Variants in CARMIL2 observed in about 807,000 individuals in gnomAD.
CARMIL2 encodes capping protein regulator and myosin 1 linker 2.
Under a neutral mutation model 173.3 loss-of-function variants are expected in CARMIL2, and 96 were observed. The ratio of observed to expected loss-of-function variants is 0.55; its 90% CI spans 0.47 to 0.66. CARMIL2 has a LOEUF of 0.66. CARMIL2 is among the 30% of genes least tolerant of loss of function. The pLI is 0.00. For synonymous variants in CARMIL2, 830 were observed against 817.1 expected (o/e 1.02, Z -0.27); for missense variants, 1,771 against 1,906.7 (o/e 0.93, Z 1.33).
chr16:67,647,203 C>T lies in CARMIL2; in HGVS notation c.687+12C>T, dbSNP rs781565209. On this transcript the variant is annotated intron_variant, in intron 9 of 37. Transcript: ENST00000334583. ...TGGACATGAAGCTGGTGAGGGGGTT[C>T]GGGGTAAGGGCAGGGAGGGGCCAAG... is the stretch of plus-strand genomic sequence containing the variant. The T allele has an allele frequency of 2.1e-5, 34 of 1,613,160 alleles. No homozygotes were observed. In the East Asian group the frequency reaches 2.9e-4, roughly 14 times the overall value.
chr16:67,645,832 G>A (rs2052583663), intron 3 of CARMIL2, 55 bp downstream of exon 3: 1 of 1,594,564 alleles, frequency 6.3e-7, no homozygotes, highest in Non-Finnish European at 8.6e-7. Flanking sequence ...CTTGGCAGGG[G>A]GCTGCATCTG....
chr16:67,647,299 A>G lies in CARMIL2; in HGVS notation c.688A>G (p.Ser230Gly). Residue 230 changes from serine (S) to glycine (G), a missense_variant and splice_region_variant, in exon 10 of 38, where the codon AGC (serine) becomes GGC (glycine). Coordinates refer to ENST00000334583, the MANE Select transcript of CARMIL2 (RefSeq NM_001013838.3). ...TGAGCCGCCGCCCTCTGCTTCTCAG[A>G]GCCTTGAGGTCTCAGAACAGATTCT... ...RCLSCVDMKL[S>G]LEVSEQILHM... The G allele has an allele frequency of 1.2e-6, 2 of 1,605,258 alleles. No homozygotes were observed. Among genetic ancestry groups the G allele is most frequent in the Non-Finnish European group, 1.7e-6 (2 of 1,175,892 alleles).
In CARMIL2 at chr16:67,652,977, C is replaced by T; in HGVS notation, c.2885-42C>T. The T allele has an allele frequency of 8.9e-7, 1 of 1,122,506 alleles. No homozygotes were observed. Among genetic ancestry groups the T allele is most frequent in the Non-Finnish European group, 1.2e-6 (1 of 865,034 alleles). 69.5% of individuals were successfully genotyped at this position (1,122,506 alleles called of 1,614,324 possible). A position where few individuals can be genotyped will look rare whatever the true frequency, so the allele number is the denominator to read the frequency against. On this transcript the variant is annotated intron_variant, in intron 28 of 37. Transcript: ENST00000334583. The surrounding 1 kb of genome is among the most constrained non-coding windows in gnomAD (Gnocchi z 4.7). ...CCCTAGCGCCTCCGCCGCCACCTCCCCGGGCTCGGCGCTCGGTGCTCTTCT... is the reference window on the plus strand; with the variant it reads ...CCCTAGCGCCTCCGCCGCCACCTCCTCGGGCTCGGCGCTCGGTGCTCTTCT...
intron 35 of CARMIL2, 70 bp from the exon 36 acceptor site, chr16:67,656,731 T>C: frequency 1.9e-6 from 3 of 1,564,262 alleles, no homozygotes; most frequent in Non-Finnish European, 2.6e-6. Flanking sequence ...CTAAGGACCC[T>C]GAGGGTGGGA....
Position 67,648,416 on chromosome 16 carries a change from G to A in CARMIL2, c.1353G>A (p.Pro451=), listed in dbSNP as rs1230964421. The A allele has an allele frequency of 1.7e-5, 26 of 1,521,156 alleles. No individual in the cohort carries two copies. The highest frequency in any genetic ancestry group is 2.3e-5 in the Non-Finnish European group (26 of 1,140,908). 94.2% of individuals were successfully genotyped at this position (1,521,156 alleles called of 1,614,324 possible). Residue 451 remains proline, a synonymous_variant, in exon 15 of 38, where the codon CCG becomes CCA. Coordinates refer to ENST00000334583, the MANE Select transcript of CARMIL2 (RefSeq NM_001013838.3). This position sits in a 1 kb window ranked among gnomAD's most constrained non-coding sequence, Gnocchi z 6.1. ...CCCCCAGGAAGTCCCGCGCCGCGCC[G>A]GCCGCGCTGCAGCTCTTCCTCAGCC... is the stretch of plus-strand genomic sequence containing the variant. ...VFSRTKSRAA[P]AALQLFLSRA...
In CARMIL2 at chr16:67,652,065, C is replaced by T; in HGVS notation, c.2676+57C>T. 1.2e-6 allele frequency: 2 copies of T among 1,604,844 alleles called. No individual in the cohort carries two copies. The highest frequency in any genetic ancestry group is 1.7e-6 in the Non-Finnish European group (2 of 1,172,504). ...AAACACACACATGCAGTGACTTGGC[C>T]ATCTCCCTTGCAGGGGCTCTGTAAT... On this transcript the variant is annotated intron_variant, in intron 26 of 37. Transcript: ENST00000334583. This position sits in a 1 kb window ranked among gnomAD's most constrained non-coding sequence, Gnocchi z 4.7.
Position 67,650,065 on chromosome 16 carries a change from T to C in CARMIL2, c.2099T>C (p.Leu700Ser). ...TGCCCCTAGATCCAAGCCTGTCTCT[T>C]GAGGAACAACCGCGCAGACCCTGCC... is the stretch of plus-strand genomic sequence containing the variant. ...RAVHQIQACL[L>S]RNNRADPASS... The change falls in exon 22 of 38, where the codon TTG (leucine) becomes TCG (serine). Residue 700 changes from leucine (L) to serine (S), a missense_variant. Leu to Ser is a moderately radical substitution (Grantham distance 145, BLOSUM62 -2). This residue lies in a region of CARMIL2 where 944 missense variants were observed against 975.6 expected (regional missense o/e 0.97). Transcript: ENST00000334583. 6.2e-7 allele frequency: 1 copy of C among 1,613,824 alleles called. No homozygotes were observed. The highest frequency in any genetic ancestry group is 8.5e-7 in the Non-Finnish European group (1 of 1,179,854).
chr16:67,649,600 CG>C lies in CARMIL2; in HGVS notation c.1903del (p.Val635SerfsTer33). 1.3e-6 allele frequency: 2 copies of C among 1,544,516 alleles called. No homozygotes were observed. Among genetic ancestry groups the C allele is most frequent in the Non-Finnish European group, 1.7e-6 (2 of 1,145,662 alleles). Reference protein sequence around the residue: ...AGAKLLAKALRVNSRLRSVVW... With the variant: ...AGAKLLAKALXVNSRLRSVVW... ...CGCCAAGTTGCTGGCCAAGGCGCTG[CG>C]GGTCAACTCGAGGCTCCGGTGGGCG... On this transcript the variant is annotated frameshift_variant, in exon 20 of 38. Coordinates refer to ENST00000334583, the MANE Select transcript of CARMIL2 (RefSeq NM_001013838.3). LOFTEE classifies it high-confidence loss of function. This position sits in a 1 kb window ranked among gnomAD's most constrained non-coding sequence, Gnocchi z 6.7.
chr16:67,646,609 G>T lies in CARMIL2; in HGVS notation c.466+92G>T. Reference sequence around the variant, plus strand: ...CTGGGGGGGCCCCAAACTGAACAGAGCCATTCAGGTCCCAGCCACCACCTA... The same window carrying T: ...CTGGGGGGGCCCCAAACTGAACAGATCCATTCAGGTCCCAGCCACCACCTA... On this transcript the variant is annotated intron_variant, in intron 6 of 37. Transcript: ENST00000334583. The surrounding 1 kb of genome is among the most constrained non-coding windows in gnomAD (Gnocchi z 4.6). 1 of 1,569,280 alleles carries T rather than the reference G, an allele frequency of 6.4e-7. No homozygotes were observed. Among genetic ancestry groups the T allele is most frequent in the Non-Finnish European group, 8.8e-7 (1 of 1,141,082 alleles).
chr16:67,649,631 CAG>C lies in CARMIL2; in HGVS notation c.1919+15_1919+16del, dbSNP rs2052678613. On this transcript the variant is annotated intron_variant, in intron 20 of 37. Transcript: ENST00000334583. This position sits in a 1 kb window ranked among gnomAD's most constrained non-coding sequence, Gnocchi z 6.7. Reference sequence around the variant, plus strand: ...AACTCGAGGCTCCGGTGGGCGGGGTCAGAGGGGTGGGACCAGCGGGCAGGGGG... The same window carrying C: ...AACTCGAGGCTCCGGTGGGCGGGGTCAGGGGTGGGACCAGCGGGCAGGGGG... 2 of 1,579,906 alleles carry C rather than the reference CAG, an allele frequency of 1.3e-6. No individual in the cohort carries two copies. Among genetic ancestry groups the C allele is most frequent in the Non-Finnish European group, 1.7e-6 (2 of 1,167,224 alleles).
Position 67,653,119 on chromosome 16 carries a change from CG to C in CARMIL2, c.2986del (p.Ala996ProfsTer73). 8.9e-7 allele frequency: 1 copy of C among 1,128,014 alleles called. No homozygotes were observed. The highest frequency in any genetic ancestry group is 2.8e-5 in the South Asian group (1 of 35,732). The allele number at this position is 1,128,014 out of a possible 1,614,324, so 69.9% of individuals were successfully genotyped here. ...CCGCGCGCGGCTCTCCGAGCCCTGC[CG>C]CCCCTGGGCCCCCGGCCGGCCCGCT... ...PSARGSPSPA[A>X]PGPPAGPLPR... On this transcript the variant is annotated frameshift_variant, in exon 29 of 38. Transcript: ENST00000334583. LOFTEE classifies it high-confidence loss of function. This position sits in a 1 kb window ranked among gnomAD's most constrained non-coding sequence, Gnocchi z 7.4.
At chr16:67,655,828 A>C (rs2052836634) in intron 32 of CARMIL2, among the ~76,000 whole-genome samples, 1 of 152,138 alleles carries the variant, frequency 6.6e-6, no homozygotes, top group Admixed American at 6.5e-5. Flanking sequence ...AAAAAACAAA[A>C]ACAAACAAAA....
rs754277153 is a variant in CARMIL2 at position 67,646,309 on chromosome 16, G to A, written c.373G>A (p.Gly125Arg). Reference sequence around the variant, plus strand: ...GAAGGTCTTCCCTCGCTCGACCCTTGGGTGAGGCCTGGCAAATTCGAGGGG... The same window carrying A: ...GAAGGTCTTCCCTCGCTCGACCCTTAGGTGAGGCCTGGCAAATTCGAGGGG... ...IKKVFPRSTL[G>R]KLFRRPTPAS... Residue 125 changes from glycine (G) to arginine (R), a missense_variant and splice_region_variant, in exon 5 of 38, where the codon GGG becomes AGG. Physicochemically the swap from Gly to Arg is moderately radical, Grantham distance 125. This residue lies in a region of CARMIL2 where 944 missense variants were observed against 975.6 expected (regional missense o/e 0.97). Transcript: ENST00000334583. This position sits in a 1 kb window ranked among gnomAD's most constrained non-coding sequence, Gnocchi z 4.6. 3 of 1,613,002 alleles carry A rather than the reference G, an allele frequency of 1.9e-6. No homozygotes were observed. In the East Asian group the frequency reaches 6.7e-5, roughly 36 times the overall value.
chr16:67,648,124 G>A lies in CARMIL2; in HGVS notation c.1144G>A (p.Asp382Asn). ...TCTCGCAGGCACCGACACTGCCCTG[G>A]ACACTGTGAGGGGGTGCTCCGTGGG... is the stretch of plus-strand genomic sequence containing the variant. ...LNLAGTDTAL[D>N]TVRGCSVGGW... Residue 382 changes from aspartate to asparagine, a missense_variant, in exon 14 of 38, where the codon GAC becomes AAC. This residue lies in a region of CARMIL2 where 944 missense variants were observed against 975.6 expected (regional missense o/e 0.97). Transcript: ENST00000334583. This position sits in a 1 kb window ranked among gnomAD's most constrained non-coding sequence, Gnocchi z 6.1. 6.2e-7 allele frequency: 1 copy of A among 1,607,548 alleles called. No individual in the cohort carries two copies. Among genetic ancestry groups the A allele is most frequent in the Non-Finnish European group, 8.5e-7 (1 of 1,177,268 alleles).
At position 67,649,360 on chromosome 16, in the gene CARMIL2, T is replaced by A. The variant is rs1053270914; in HGVS notation, c.1746+49T>A. ...GCCTCGGGCAATTAGACCACTTTGGTCCTCCTTTCTCTTGTTCCCTCAGAC... is the reference window on the plus strand; with the variant it reads ...GCCTCGGGCAATTAGACCACTTTGGACCTCCTTTCTCTTGTTCCCTCAGAC... On this transcript the variant is annotated intron_variant, in intron 19 of 37. Transcript: ENST00000334583. The surrounding 1 kb of genome is among the most constrained non-coding windows in gnomAD (Gnocchi z 6.7). 1 of 1,608,972 alleles carries A rather than the reference T, an allele frequency of 6.2e-7. No homozygotes were observed. The highest frequency in any genetic ancestry group is 1.3e-5 in the African/African-American group (1 of 74,916).
Position 67,656,483 on chromosome 16 carries a change from C to A in CARMIL2, c.3874C>A (p.Leu1292Met). ...QGPESATWKT[L>M]GQQLNAELRS... Reference sequence around the variant, plus strand: ...GCCTGAGTCTGCCACCTGGAAGACACTGGGGCAGCAGTTGAATGCGGAGCT... The same window carrying A: ...GCCTGAGTCTGCCACCTGGAAGACAATGGGGCAGCAGTTGAATGCGGAGCT... The change falls in exon 35 of 38, where the codon CTG (leucine) becomes ATG (methionine). Residue 1292 changes from leucine to methionine, a missense_variant. Physicochemically the swap from Leu to Met is conservative, Grantham distance 15. Around this residue, in one of 3 missense-constraint regions of CARMIL2, gnomAD observed 817 missense variants for 903.5 expected, o/e 0.90. Transcript: ENST00000334583. 6.2e-7 allele frequency: 1 copy of A among 1,612,972 alleles called. No individual in the cohort carries two copies. The highest frequency in any genetic ancestry group is 1.7e-4 in the Middle Eastern group (1 of 6,056).
Position 67,647,382 on chromosome 16 carries a change from G to C in CARMIL2, c.771G>C (p.Leu257=), listed in dbSNP as rs1390864052. The change falls in exon 10 of 38, where the codon CTG becomes CTC. Residue 257 remains leucine, a synonymous_variant. Transcript: ENST00000334583. ...AGCTGGTGCTGGAGACCTGCAGCCTGAGGGGGTGAGGGGGACAGGGCAGGG... is the reference window on the plus strand; with the variant it reads ...AGCTGGTGCTGGAGACCTGCAGCCTCAGGGGGTGAGGGGGACAGGGCAGGG... ...LEELVLETCS[L]RGDFVRRLAQ... is the part of the protein sequence containing the mutation. 3.2e-6 allele frequency: 5 copies of C among 1,574,448 alleles called. No homozygotes were observed. In the South Asian group the frequency reaches 3.5e-5, roughly 11 times the overall value.
In CARMIL2 at chr16:67,657,448, A is replaced by C; in HGVS notation, c.4238A>C (p.Glu1413Ala). 1 of 1,610,642 alleles carries C rather than the reference A, an allele frequency of 6.2e-7. No homozygotes were observed. The highest frequency in any genetic ancestry group is 1.1e-5 in the South Asian group (1 of 90,692). Residue 1413 changes from glutamate (E) to alanine (A), a missense_variant, in exon 38 of 38, where the codon GAG (glutamate) becomes GCG (alanine). Physicochemically the swap from Glu to Ala is moderately radical, Grantham distance 107. Transcript: ENST00000334583. The surrounding 1 kb of genome is among the most constrained non-coding windows in gnomAD (Gnocchi z 4.5). ...GAGCCTCTGCCCCCACAGCCCACAG[A>C]GCCCTCCAGCCCTGAGCGGAGCCCA... ...GTEPLPPQPT[E>A]PSSPERSPPS...
In CARMIL2 at chr16:67,648,840, C is replaced by T. The variant is rs957769377; in HGVS notation, c.1510-53C>T. ...AGGGCCGTGGGCCGCCTGCCCCTCC[C>T]CACTCGCGGCCTAAGTGGGTCCCAC... On this transcript the variant is annotated intron_variant, in intron 16 of 37. Transcript: ENST00000334583. The surrounding 1 kb of genome is among the most constrained non-coding windows in gnomAD (Gnocchi z 6.1). 1 of 1,572,128 alleles carries T rather than the reference C, an allele frequency of 6.4e-7. No homozygotes were observed. Among genetic ancestry groups the T allele is most frequent in the South Asian group, 1.2e-5 (1 of 86,236 alleles).
Sources: gnomAD v4.1 joint callset for allele counts (sites outside exome capture counted in the v4.1 genomes callset) on GRCh38, gnomAD v4.1.1 for gene constraint, gnomAD v4.1.1 regional missense constraint, Gnocchi (gnomAD v3.1) non-coding constraint, MANE v1.5 for transcripts, NCBI Gene and HGNC (gene_info 2026-07-23, HGNC 2026-07-21) for gene names.